The following FAM78B variants were observed in gnomAD, a reference collection of about 807,000 sequenced individuals.
FAM78B encodes the protein family with sequence similarity 78 member B.
In FAM78B, 10 loss-of-function variants were observed where a neutral mutation model predicts 20.0. That is an observed-to-expected ratio of 0.50 (90% CI 0.31 to 0.85). The LOEUF (loss-of-function observed/expected upper bound fraction) is 0.85, where lower values mean the gene tolerates loss of function less well. Among genes scored for constraint, FAM78B ranks in the 40% least tolerant of loss-of-function variants. FAM78B has a pLI of 0.05. For missense variants in FAM78B, 283 were observed against 345.0 expected, an observed-to-expected ratio of 0.82 and a Z score of 1.42; for synonymous variants, 135 against 132.8, an observed-to-expected ratio of 1.02 and a Z score of -0.12.
At chr1:166,069,254 C>T (rs930728384), downstream of FAM78B, among the ~76,000 whole-genome samples, 6 of 151,998 alleles carry the variant, frequency 3.9e-5, no homozygotes, top group African/African-American at 1.5e-4. Context: ...TATGCATACA[C>T]GTGTCCATTC....
chr1:166,111,722 C>T (rs1403270398), intron 1 of FAM78B, among the ~76,000 whole-genome samples: 2 of 152,254 alleles, frequency 1.3e-5, no homozygotes, highest in South Asian at 2.1e-4. Context: ...GGGGATCCAA[C>T]GAATGCAGGT....
In FAM78B at chr1:166,070,393, C is replaced by A. The variant is rs1651975902; in HGVS notation, c.634G>T (p.Val212Leu). ...GGCTGCTCCTGCTGAGTCCTGCCCA[C>A]CAGCCGGGCCCGCTGCCCCAAGAGC... Reference protein sequence around the residue: ...LQLLGQRARLVGRTQQEQPRI... With the variant: ...LQLLGQRARLLGRTQQEQPRI... Residue 212 changes from valine (V) to leucine (L), a missense_variant, in exon 2 of 2, where the codon GTG becomes TTG. Coordinates refer to ENST00000354422, the MANE Select transcript of FAM78B (RefSeq NM_001017961.5). The A allele has an allele frequency of 6.2e-7, 1 of 1,614,122 alleles. No individual in the cohort carries two copies. The highest frequency in any genetic ancestry group is 8.5e-7 in the Non-Finnish European group (1 of 1,179,992).
chr1:166,143,485 G>T (rs1655350231), intron 1 of FAM78B, among the ~76,000 whole-genome samples: 1 of 152,146 alleles, frequency 6.6e-6, no homozygotes, highest in Non-Finnish European at 1.5e-5. Flanking sequence ...GCCAACAGAG[G>T]CTTGGCATTA....
intron 1 of FAM78B, among the ~76,000 whole-genome samples, chr1:166,088,722 G>A (rs1652941627): frequency 2.0e-5 from 3 of 152,126 alleles, no homozygotes; most frequent in East Asian, 1.9e-4. Context: ...CTGACTTCTG[G>A]AGGGATGTAG....
intron 1 of FAM78B, among the ~76,000 whole-genome samples, chr1:166,145,350 G>A (rs2101792938): frequency 6.6e-6 from 1 of 152,326 alleles, no homozygotes; most frequent in Non-Finnish European, 1.5e-5. Context: ...GCTTCCACCT[G>A]TCTCACTTCC....
intron 1 of FAM78B, among the ~76,000 whole-genome samples, chr1:166,124,843 G>A (rs1194465305): frequency 6.6e-6 from 1 of 152,230 alleles, no homozygotes; most frequent in Non-Finnish European, 1.5e-5. Flanking sequence ...GGCTGTGGAA[G>A]GAATGGAGTC....
intron 1 of FAM78B, among the ~76,000 whole-genome samples, chr1:166,165,709 C>A (rs1656343571): frequency 6.6e-6 from 1 of 152,168 alleles, no homozygotes; most frequent in Non-Finnish European, 1.5e-5. Flanking sequence ...CCTCTCGAAC[C>A]CTCCTTGTCG....
intron 1 of FAM78B, among the ~76,000 whole-genome samples, chr1:166,143,376 T>A (rs935462571): frequency 6.6e-6 from 1 of 151,852 alleles, no homozygotes; most frequent in African/African-American, 2.4e-5. Context: ...ACATGCCATG[T>A]GGTGTAGCTC....
rs1651943692 is a variant in FAM78B, at chr1:166,069,802, C to T, written c.*439G>A. 1 of 184,612 alleles carries T rather than the reference C, an allele frequency of 5.4e-6. No individual in the cohort carries two copies. The highest frequency in any genetic ancestry group is 1.8e-4 in the South Asian group (1 of 5,462). The allele number at this position is 184,612 out of a possible 1,614,324, so 11.4% of individuals were successfully genotyped here. Reference sequence around the variant, plus strand: ...CACCACCCATTTCCCCAGCACCCTCCAGTCAGACAGCAGGAGTCTGTCTTA... The same window carrying T: ...CACCACCCATTTCCCCAGCACCCTCTAGTCAGACAGCAGGAGTCTGTCTTA... On this transcript the variant is annotated 3_prime_UTR_variant, in exon 2 of 2. Transcript: ENST00000354422.
chr1:166,077,885 A>ATT (rs1557890940), intron 1 of FAM78B, among the ~76,000 whole-genome samples: 702 of 2,472 alleles, frequency 0.28, 56 homozygotes, highest in Non-Finnish European at 0.34. Flanking sequence ...TATATATATA[A>ATT]TAAATATATA....
intron 1 of FAM78B, among the ~76,000 whole-genome samples, chr1:166,153,290 G>C (rs1052852100): frequency 6.6e-6 from 1 of 152,308 alleles, no homozygotes; most frequent in South Asian, 2.1e-4. Flanking sequence ...AATGAGAAGT[G>C]GGGGGATCCA....
At chr1:166,077,597 AATTAT>A (rs1387185595) in intron 1 of FAM78B, among the ~76,000 whole-genome samples, 2 of 144,964 alleles carry the variant, frequency 1.4e-5, no homozygotes, top group African/African-American at 5.0e-5. Context: ...AAATACATAT[AATTAT>A]ATATTTATAT....
At chr1:166,092,854 G>A (rs565982356) in intron 1 of FAM78B, among the ~76,000 whole-genome samples, 1 of 152,264 alleles carries the variant, frequency 6.6e-6, no homozygotes, top group African/African-American at 2.4e-5. Context: ...GATAAATGAA[G>A]GAATAAGTCA....
intron 1 of FAM78B, among the ~76,000 whole-genome samples, chr1:166,073,182 T>A (rs1431680983): frequency 6.6e-6 from 1 of 152,166 alleles, no homozygotes; most frequent in Admixed American, 6.5e-5. Context: ...AATCATCACA[T>A]CAGAACAAAC....
At chr1:166,069,139 G>A (rs1438482951), downstream of FAM78B, among the ~76,000 whole-genome samples, 1 of 152,184 alleles carries the variant, frequency 6.6e-6, no homozygotes, top group Admixed American at 6.5e-5. Flanking sequence ...TACAGCGTAT[G>A]TACATAGAAA....
intron 2 of FAM78B, among the ~76,000 whole-genome samples, chr1:166,063,786 G>A (rs1651699524): frequency 2.0e-5 from 3 of 152,146 alleles, no homozygotes; most frequent in Admixed American, 1.3e-4. Context: ...CTGTGTCTCT[G>A]GCCTCTCCCA....
In FAM78B at chr1:166,134,454, C is replaced by T. The variant is rs12131984; in HGVS notation, c.263+31532G>A. Among the ~76,000 whole-genome samples the T allele has an allele frequency of 7.1e-3, 1,074 of 152,012 alleles. 3 individuals carry two copies. Among genetic ancestry groups the T allele is most frequent in the Non-Finnish European group, 0.011 (743 of 67,998 alleles). The stretch of plus-strand genomic sequence containing the variant: ...TTGGGCTGAGTACCCCCTAGCTTTT[C>T]CAAATCATTTGAGAGAGTTCTGAAG... On this transcript the variant is annotated intron_variant, in intron 1 of 1. Coordinates refer to ENST00000354422, the MANE Select transcript of FAM78B (RefSeq NM_001017961.5).
chr1:166,114,794 T>G (rs1023884680), intron 1 of FAM78B, among the ~76,000 whole-genome samples: 2 of 152,158 alleles, frequency 1.3e-5, no homozygotes, highest in African/African-American at 2.4e-5. Context: ...TATAGCATAT[T>G]TTTTTGTTGT....
chr1:166,145,756 T>C (rs1449904548), intron 1 of FAM78B, among the ~76,000 whole-genome samples: 1 of 152,164 alleles, frequency 6.6e-6, no homozygotes, highest in African/African-American at 2.4e-5. Context: ...GACTAACACT[T>C]TTTCTTGGTT....
Sources: gnomAD v4.1 joint callset for allele counts (sites outside exome capture counted in the v4.1 genomes callset) on GRCh38, gnomAD v4.1.1 for gene constraint, MANE v1.5 for transcripts, NCBI Gene and HGNC (gene_info 2026-07-23, HGNC 2026-07-21) for gene names.